The following GPR107 variants were observed in gnomAD, a reference collection of about 807,000 sequenced individuals.
GPR107 encodes G protein-coupled receptor 107.
Under a neutral mutation model 75.5 loss-of-function variants are expected in GPR107, and 31 were observed. The observed-to-expected ratio is 0.41, with a 90% confidence interval of 0.31 to 0.55. The LOEUF is 0.55. GPR107 is among the 20% of genes least tolerant of loss of function. GPR107 has a pLI of 0.26. For synonymous variants in GPR107, 267 were observed against 251.3 expected (o/e 1.06, Z -0.59); for missense variants, 572 against 665.7 (o/e 0.86, Z 1.55).
In GPR107 at chr9:130,103,066, T is replaced by C. The variant is rs1019564510; in HGVS notation, c.1132-1354T>C. On this transcript the variant is annotated intron_variant, in intron 12 of 17. Transcript: ENST00000347136. The surrounding 1 kb of genome is among the most constrained non-coding windows in gnomAD (Gnocchi z 4.3). ...TTGGCTCCCCAAATTTCTGGGATTATGGGTATGAGCCACCGCACCCAGCCC... is the reference window on the plus strand; with the variant it reads ...TTGGCTCCCCAAATTTCTGGGATTACGGGTATGAGCCACCGCACCCAGCCC... Among the ~76,000 whole-genome samples, 2 of 152,128 alleles carry C rather than the reference T, an allele frequency of 1.3e-5. No homozygotes were observed. The highest frequency in any genetic ancestry group is 1.9e-4 in the East Asian group (1 of 5,182).
In GPR107 at chr9:130,101,127, C is replaced by T. The variant is rs541930418; in HGVS notation, c.1035C>T (p.Phe345=). 6.2e-7 allele frequency: 1 copy of T among 1,605,640 alleles called. No homozygotes were observed. The highest frequency in any genetic ancestry group is 1.1e-5 in the South Asian group (1 of 90,880). Residue 345 remains phenylalanine (F), a synonymous_variant, in exon 12 of 18, where the codon TTC becomes TTT. Transcript: ENST00000347136. ...ITHLLKGALL[F]ITIALIGTGW... is the part of the protein sequence containing the mutation. ...CCAGTTTGAAAGGGGCGCTACTCTT[C>T]ATCACCATTGCACTCATTGGCACTG...
chr9:130,096,840 A>G (rs770373258), intron 9 of GPR107, among the ~76,000 whole-genome samples: 1 of 152,232 alleles, frequency 6.6e-6, no homozygotes, highest in Non-Finnish European at 1.5e-5. Context: ...TAAAATATCT[A>G]TAGACGTTGT....
chr9:130,127,468 TTCC>T lies in GPR107; in HGVS notation c.1357-9_1357-7del, dbSNP rs750226068. 20 of 1,412,046 alleles carry T rather than the reference TTCC, an allele frequency of 1.4e-5. No homozygotes were observed. The highest frequency in any genetic ancestry group is 1.9e-5 in the Non-Finnish European group (19 of 998,446). 87.5% of individuals were successfully genotyped at this position (1,412,046 alleles called of 1,614,324 possible). ...AATGTTGATCTGATTTCCTGTTTCT[TTCC>T]TCCTCATGCAGATTGTGTGTTACAT... On this transcript the variant is annotated splice_polypyrimidine_tract_variant and intron_variant, in intron 15 of 17. Coordinates refer to ENST00000347136, the MANE Select transcript of GPR107 (RefSeq NM_020960.5).
At chr9:130,085,753 G>GTTTTTTTTTTTTTTTTTTTTTTTTTTTT (rs1189602398) in intron 6 of GPR107, among the ~76,000 whole-genome samples, 1 of 32,262 alleles carries the variant, frequency 3.1e-5, no homozygotes, top group African/African-American at 1.3e-4. Context: ...GCAATATTTT[G>GTTTTTTTTTTTTTTTTTTTTTTTTTTTT]ATTTTTTTTT....
chr9:130,069,390 C>T (rs1830143707), intron 1 of GPR107, among the ~76,000 whole-genome samples: 1 of 152,202 alleles, frequency 6.6e-6, no homozygotes, highest in Non-Finnish European at 1.5e-5. Context: ...GCTGAACCTC[C>T]ATTGCCTGTG....
At chr9:130,062,011 G>A (rs555134940) in intron 1 of GPR107, among the ~76,000 whole-genome samples, 7 of 152,226 alleles carry the variant, frequency 4.6e-5, no homozygotes, top group Admixed American at 2.6e-4. Context: ...AAGTGAAAGA[G>A]ATTGATTGTT....
Position 130,077,397 on chromosome 9 carries a change from C to T in GPR107, c.386+19C>T, listed in dbSNP as rs749492377. On this transcript the variant is annotated intron_variant, in intron 4 of 17. Coordinates refer to ENST00000347136, the MANE Select transcript of GPR107 (RefSeq NM_020960.5). ...GAAGTGAGTAAGTAATTCTAAAGTT[C>T]CTTCAGTTCAGTCCTAGAGTAGAGT... 1.6e-6 allele frequency: 2 copies of T among 1,218,494 alleles called. No homozygotes were observed. The highest frequency in any genetic ancestry group is 2.4e-6 in the Non-Finnish European group (2 of 818,590). The allele number at this position is 1,218,494 out of a possible 1,614,324, so 75.5% of individuals were successfully genotyped here. A position where few individuals can be genotyped will look rare whatever the true frequency, so the allele number is the denominator to read the frequency against.
chr9:130,132,975 T>G (rs369200757), intron 17 of GPR107: 52 of 152,234 alleles, frequency 3.4e-4, no homozygotes, highest in African/African-American at 1.2e-3. Context: ...CCCACCCATC[T>G]TGTGGGCCAG....
intron 16 of GPR107, among the ~76,000 whole-genome samples, chr9:130,128,436 C>T (rs143775780): frequency 2.1e-4 from 32 of 152,284 alleles, no homozygotes; most frequent in African/African-American, 3.1e-4. Context: ...AGCACAGCCT[C>T]GGAAATGTCA....
At chr9:130,118,176 C>A (rs1176906716) in intron 14 of GPR107, among the ~76,000 whole-genome samples, 1 of 152,118 alleles carries the variant, frequency 6.6e-6, no homozygotes, top group South Asian at 2.1e-4. Context: ...CTGCTTCCCC[C>A]ACAGAGGCCA....
At chr9:130,116,696 A>G (rs901033317) in intron 14 of GPR107, among the ~76,000 whole-genome samples, 3 of 152,172 alleles carry the variant, frequency 2.0e-5, no homozygotes, top group Non-Finnish European at 1.5e-5. Flanking sequence ...TTATGGCTCT[A>G]GAATCGAAGG....
chr9:130,133,621 A>G (rs1184990684), intron 17 of GPR107, among the ~76,000 whole-genome samples: 2 of 152,178 alleles, frequency 1.3e-5, no homozygotes, highest in African/African-American at 4.8e-5. Flanking sequence ...GTGTCTTCCT[A>G]AAGAGGCCAG....
chr9:130,090,796 C>A, intron 7 of GPR107, 80 bp from the exon 8 acceptor site: 3 of 561,082 alleles, frequency 5.3e-6, no homozygotes, highest in Non-Finnish European at 6.3e-6. Context: ...GTAAACAATA[C>A]TTTAAAAGAA....
At chr9:130,081,728 C>T (rs529142414) in intron 5 of GPR107, among the ~76,000 whole-genome samples, 2 of 150,540 alleles carry the variant, frequency 1.3e-5, no homozygotes, top group Admixed American at 6.6e-5. Flanking sequence ...TGGTGGCATG[C>T]GCCTGTAGTC....
chr9:130,072,047 C>G (rs1589488284), intron 1 of GPR107, among the ~76,000 whole-genome samples: 1 of 151,892 alleles, frequency 6.6e-6, no homozygotes, highest in East Asian at 1.9e-4. Flanking sequence ...ACCCGGCTCC[C>G]TGCAGCCTCT....
At chr9:130,070,208 C>T (rs149350506) in intron 1 of GPR107, among the ~76,000 whole-genome samples, 71 of 149,388 alleles carry the variant, frequency 4.8e-4, no homozygotes, top group Middle Eastern at 3.5e-3. Context: ...CACCATGTTG[C>T]CCAGGCCGGC....
intron 14 of GPR107, among the ~76,000 whole-genome samples, chr9:130,117,476 C>T: frequency 6.6e-6 from 1 of 152,094 alleles, no homozygotes; most frequent in Non-Finnish European, 1.5e-5. Flanking sequence ...CAGGTCAGCC[C>T]GTGGCCTGCG....
intron 13 of GPR107, among the ~76,000 whole-genome samples, chr9:130,105,400 C>G (rs1589516120): frequency 6.6e-6 from 1 of 151,960 alleles, no homozygotes; most frequent in Non-Finnish European, 1.5e-5. Flanking sequence ...ATTACAGGTG[C>G]GTGTCACCAT....
chr9:130,084,047 C>CATATATATATATATATATATATATATAT (rs139002438), intron 6 of GPR107, among the ~76,000 whole-genome samples: 77 of 130,862 alleles, frequency 5.9e-4, no homozygotes, highest in South Asian at 1.0e-3. Context: ...AGAGAGCTAA[C>CATATATATATATATATATATATATATAT]ATATATATAT....
Sources: allele counts gnomAD v4.1 joint callset (sites outside exome capture counted in the v4.1 genomes callset), GRCh38; gene constraint gnomAD v4.1.1; non-coding constraint Gnocchi (gnomAD v3.1); transcripts MANE v1.5; gene names NCBI Gene and HGNC (gene_info 2026-07-23, HGNC 2026-07-21).